The following POLH variants were observed in gnomAD, a reference collection of about 807,000 sequenced individuals.
POLH encodes DNA polymerase eta.
A neutral mutation model predicts 73.6 loss-of-function variants in POLH; 53 were observed. The observed-to-expected ratio is 0.72, with a 90% confidence interval of 0.58 to 0.91. The LOEUF (loss-of-function observed/expected upper bound fraction) is 0.91. Ranked by LOEUF, POLH falls within the 40% of genes least tolerant of loss-of-function variation. The pLI is 0.00. For synonymous variants in POLH, 292 were observed against 308.5 expected, an observed-to-expected ratio of 0.95 and a Z score of 0.56; for missense variants, 768 against 865.4, an observed-to-expected ratio of 0.89 and a Z score of 1.41.
chr6:43,613,594 T>C (rs558916663), intron 10 of POLH, 66 bp from the exon 11 acceptor site: 263 of 1,257,060 alleles, frequency 2.1e-4, no homozygotes, highest in Non-Finnish European at 2.9e-4. Flanking sequence ...TTCATGGAAT[T>C]AGCAATAGGT....
At chr6:43,602,855 A>G (rs1766881936) in intron 6 of POLH, among the ~76,000 whole-genome samples, 1 of 151,516 alleles carries the variant, frequency 6.6e-6, no homozygotes, top group Admixed American at 6.6e-5. Flanking sequence ...TTTAGGAGAG[A>G]TGAGGTTTTA....
chr6:43,602,848 A>G (rs1418605806), intron 6 of POLH, among the ~76,000 whole-genome samples: 2 of 151,646 alleles, frequency 1.3e-5, no homozygotes, highest in Non-Finnish European at 2.9e-5. Flanking sequence ...TTGTATTTTT[A>G]GGAGAGATGA....
Position 43,614,130 on chromosome 6 carries a change from C to T in POLH, c.1715C>T (p.Pro572Leu). 4.3e-6 allele frequency: 7 copies of T among 1,614,168 alleles called. No individual in the cohort carries two copies. The highest frequency in any genetic ancestry group is 5.9e-6 in the Non-Finnish European group (7 of 1,180,024). ...CCAAACTCTTTACCAACAGAGTATC[C>T]AGGGTGTGTCCCTGTTTGTGAAGGG... Reference protein sequence around the residue: ...ALPNSLPTEYPGCVPVCEGVS... With the variant: ...ALPNSLPTEYLGCVPVCEGVS... The change falls in exon 11 of 11, where the codon CCA becomes CTA. Residue 572 changes from proline (P) to leucine (L), a missense_variant. Transcript: ENST00000372236.
rs1374095824 is a variant in POLH at position 43,610,702 on chromosome 6, C to T, written c.1223C>T (p.Thr408Ile). Reference sequence around the variant, plus strand: ...TTTACTGTCATCAAGAACTGTAATACTTCTGGAATCCAGACAGAATGGTGA... The same window carrying T: ...TTTACTGTCATCAAGAACTGTAATATTTCTGGAATCCAGACAGAATGGTGA... ...DAFTVIKNCN[T>I]SGIQTEWSPP... is the part of the protein sequence containing the mutation. The change falls in exon 10 of 11, where the codon ACT (threonine) becomes ATT (isoleucine). Residue 408 changes from threonine to isoleucine, a missense_variant. Physicochemically the swap from Thr to Ile is moderately conservative, Grantham distance 89. Transcript: ENST00000372236. The T allele has an allele frequency of 6.2e-7, 1 of 1,612,526 alleles. No homozygotes were observed. The highest frequency in any genetic ancestry group is 8.5e-7 in the Non-Finnish European group (1 of 1,179,456).
At chr6:43,604,543 T>C (rs561741545) in intron 7 of POLH, 72 bp from the exon 8 acceptor site, 5 of 1,497,414 alleles carry the variant, frequency 3.3e-6, no homozygotes, top group Admixed American at 3.4e-5. Flanking sequence ...CAATATAATA[T>C]AGTTATTTGG....
intron 9 of POLH, among the ~76,000 whole-genome samples, chr6:43,606,846 A>G (rs1357801895): frequency 6.6e-6 from 1 of 152,102 alleles, no homozygotes; most frequent in Non-Finnish European, 1.5e-5. Flanking sequence ...CTATTCTACA[A>G]TTTTAGAGCA....
rs1765471375 is a variant in POLH at position 43,591,615 on chromosome 6, A to G, written c.490+4126A>G. On this transcript the variant is annotated intron_variant, in intron 4 of 10. Transcript: ENST00000372236. ...ATTACAGGCATGAGCCACCGCACCC[A>G]GCCTGATTTTTTTTTTTTTTTTAAA... Among the ~76,000 whole-genome samples, 3 of 146,326 alleles carry G rather than the reference A, an allele frequency of 2.1e-5. No homozygotes were observed. The South Asian group carries it at 6.4e-4, about 31-fold the overall frequency.
chr6:43,610,849 G>A (rs2127816617), intron 10 of POLH, 126 bp downstream of exon 10: 1 of 777,158 alleles, frequency 1.3e-6, no homozygotes, highest in East Asian at 2.7e-5. Flanking sequence ...TTTCACATGA[G>A]CTGAATTTCA....
At chr6:43,580,946 C>G (rs1764085823) in intron 1 of POLH, among the ~76,000 whole-genome samples, 2 of 146,416 alleles carry the variant, frequency 1.4e-5, no homozygotes, top group East Asian at 2.1e-4. Context: ...GGGGGCTGAC[C>G]CCCCCACCTC....
At chr6:43,578,736 G>A (rs1763678632) in intron 1 of POLH, among the ~76,000 whole-genome samples, 1 of 152,210 alleles carries the variant, frequency 6.6e-6, no homozygotes, top group South Asian at 2.1e-4. Context: ...GTATTTCAGA[G>A]TAAAAGGTTG....
chr6:43,614,015 C>G lies in POLH; in HGVS notation c.1600C>G (p.Gln534Glu). 1.2e-6 allele frequency: 2 copies of G among 1,614,118 alleles called. No individual in the cohort carries two copies. The highest frequency in any genetic ancestry group is 1.7e-6 in the Non-Finnish European group (2 of 1,180,036). The change falls in exon 11 of 11, where the codon CAG (glutamine) becomes GAG (glutamate). Residue 534 changes from glutamine to glutamate, a missense_variant. Transcript: ENST00000372236. Reference sequence around the variant, plus strand: ...TACAGGAACTGAGCCCTTCTTTAAGCAGAAAAGTCTGCTTCTAAAGCAGAA... The same window carrying G: ...TACAGGAACTGAGCCCTTCTTTAAGGAGAAAAGTCTGCTTCTAAAGCAGAA... ...QSTGTEPFFK[Q>E]KSLLLKQKQL... is the part of the protein sequence containing the mutation.
At chr6:43,597,185 G>A (rs1184244952) in intron 4 of POLH, among the ~76,000 whole-genome samples, 3 of 151,932 alleles carry the variant, frequency 2.0e-5, no homozygotes, top group East Asian at 1.9e-4. Context: ...GCGCAATCTC[G>A]GCTCACTGCA....
At chr6:43,589,073 T>C (rs1179528582) in intron 4 of POLH, among the ~76,000 whole-genome samples, 3 of 150,390 alleles carry the variant, frequency 2.0e-5, no homozygotes, top group South Asian at 2.1e-4. Flanking sequence ...CTCCTGACCT[T>C]GTGATCCGCC....
intron 8 of POLH, 60 bp downstream of exon 8, chr6:43,604,798 G>A: frequency 1.3e-6 from 2 of 1,589,840 alleles, no homozygotes; most frequent in Admixed American, 3.3e-5. Context: ...GGTAGGTTTT[G>A]GTAGCTGTGG....
At chr6:43,598,613 G>A (rs1766370654) in intron 5 of POLH, among the ~76,000 whole-genome samples, 2 of 148,408 alleles carry the variant, frequency 1.3e-5, no homozygotes, top group Admixed American at 6.8e-5. Context: ...CAGCCTGGGC[G>A]ACAGAGCAAA....
At chr6:43,594,956 G>A (rs1354666883) in intron 4 of POLH, among the ~76,000 whole-genome samples, 2 of 151,280 alleles carry the variant, frequency 1.3e-5, no homozygotes, top group Non-Finnish European at 1.5e-5. Context: ...CTGGGGAGGT[G>A]GGGGGCATAT....
rs1014113366 is a variant in POLH at position 43,617,051 on chromosome 6, A to C, written c.*2494A>C. Among the ~76,000 whole-genome samples, 1 of 152,108 alleles carries C rather than the reference A, an allele frequency of 6.6e-6. No individual in the cohort carries two copies. Among genetic ancestry groups the C allele is most frequent in the African/African-American group, 2.4e-5 (1 of 41,436 alleles). On this transcript the variant is annotated 3_prime_UTR_variant, in exon 11 of 11. Coordinates refer to ENST00000372236, the MANE Select transcript of POLH (RefSeq NM_006502.3). ...CTAAAAATACAAAAATTAGCCGGGC[A>C]TGGTGGTGGGTGCGTGTAATCCCAG... is the stretch of plus-strand genomic sequence containing the variant.
In POLH at chr6:43,614,520, A is replaced by G; in HGVS notation, c.2105A>G (p.Gln702Arg). Residue 702 changes from glutamine (Q) to arginine (R), a missense_variant, in exon 11 of 11, where the codon CAA (glutamine) becomes CGA (arginine). Physicochemically the swap from Gln to Arg is conservative, Grantham distance 43. Transcript: ENST00000372236. ...TNKRPRPEGM[Q>R]TLESFFKPLT... ...AAACGCCCCAGGCCTGAGGGCATGCAAACATTGGAATCATTTTTTAAGCCA... is the reference window on the plus strand; with the variant it reads ...AAACGCCCCAGGCCTGAGGGCATGCGAACATTGGAATCATTTTTTAAGCCA... 3.7e-6 allele frequency: 6 copies of G among 1,613,966 alleles called. No individual in the cohort carries two copies. Among genetic ancestry groups the G allele is most frequent in the Non-Finnish European group, 5.1e-6 (6 of 1,180,020 alleles).
intron 10 of POLH, among the ~76,000 whole-genome samples, chr6:43,611,771 T>C (rs750834380): frequency 3.3e-5 from 5 of 151,860 alleles, no homozygotes; most frequent in East Asian, 1.9e-4. Context: ...TCTTTGTTCA[T>C]AGGGCCGGGC....
Sources: allele counts gnomAD v4.1 joint callset (sites outside exome capture counted in the v4.1 genomes callset), GRCh38; gene constraint gnomAD v4.1.1; transcripts MANE v1.5; gene names NCBI Gene and HGNC (gene_info 2026-07-23, HGNC 2026-07-21).